Variants in MYO10 observed in about 807,000 individuals in gnomAD.
MYO10 encodes unconventional myosin-X.
MYO10 carries 133 observed loss-of-function variants against 257.3 expected under a neutral mutation model. The ratio of observed to expected loss-of-function variants is 0.52; its 90% CI spans 0.45 to 0.60. MYO10 has a LOEUF of 0.60. MYO10 is among the 20% of genes least tolerant of loss of function. The pLI is 0.00. For synonymous variants in MYO10, 1,104 were observed against 1,028.6 expected (o/e 1.07, Z -1.40); for missense variants, 2,399 against 2,635.7 (o/e 0.91, Z 1.97).
At chr5:16,717,989 C>A (rs1296236394) in intron 19 of MYO10, among the ~76,000 whole-genome samples, 1 of 152,360 alleles carries the variant, frequency 6.6e-6, no homozygotes, top group East Asian at 1.9e-4. Context: ...GCGTGCAGCG[C>A]TTGCGGGCCA....
At chr5:16,695,823 A>ACTTGCTT in intron 26 of MYO10, among the ~76,000 whole-genome samples, 1 of 152,356 alleles carries the variant, frequency 6.6e-6, no homozygotes, top group East Asian at 1.9e-4. Flanking sequence ...TGAAAACCAG[A>ACTTGCTT]CAGTGCACTT....
chr5:16,725,078 C>CTTTTTTTTTTTTTTTTTTTTTTTT (rs34100971), intron 19 of MYO10, among the ~76,000 whole-genome samples: 1 of 74,890 alleles, frequency 1.3e-5, no homozygotes, highest in Non-Finnish European at 2.4e-5. Flanking sequence ...CCTTCTTCTT[C>CTTTTTTTTTTTTTTTTTTTTTTTT]TTTTTTTTTT....
intron 2 of MYO10, among the ~76,000 whole-genome samples, chr5:16,832,506 T>G (rs1743190111): frequency 6.6e-6 from 1 of 152,200 alleles, no homozygotes; most frequent in Admixed American, 6.6e-5. Flanking sequence ...CCTCTGGTTT[T>G]AAACATAGTA....
chr5:16,740,990 C>A (rs10051930), intron 19 of MYO10, among the ~76,000 whole-genome samples: 36,994 of 152,010 alleles, frequency 0.24, 6,876 homozygotes, highest in African/African-American at 0.51. Flanking sequence ...CAGCCAAGTG[C>A]TTATTCATTT....
Position 16,818,042 on chromosome 5 carries a change from G to C in MYO10, c.246C>G (p.Asn82Lys). 6.2e-7 allele frequency: 1 copy of C among 1,602,664 alleles called. No homozygotes were observed. Among genetic ancestry groups the C allele is most frequent in the Non-Finnish European group, 8.5e-7 (1 of 1,173,428 alleles). The change falls in exon 3 of 41, where the codon AAC becomes AAG. Residue 82 changes from asparagine to lysine, a missense_variant. Coordinates refer to ENST00000513610, the MANE Select transcript of MYO10 (RefSeq NM_012334.3). The stretch of plus-strand genomic sequence containing the variant: ...GATTTCTCTTATACCGCTGGAATAA[G>C]TTATACATGATGGAGCCGCCATGGA... The part of the protein sequence containing the change: ...TELHGGSIMY[N>K]LFQRYKRNQI...
At chr5:16,739,625 T>G (rs1739941044) in intron 19 of MYO10, among the ~76,000 whole-genome samples, 1 of 151,964 alleles carries the variant, frequency 6.6e-6, no homozygotes, top group Non-Finnish European at 1.5e-5. Context: ...GTAATAGAAA[T>G]CTGACTTGAA....
chr5:16,830,689 A>ACACACACT (rs1561007676), intron 2 of MYO10, among the ~76,000 whole-genome samples: 3 of 152,070 alleles, frequency 2.0e-5, no homozygotes, highest in African/African-American at 2.4e-5. Context: ...GCACACACAC[A>ACACACACT]CACACACACA....
intron 2 of MYO10, among the ~76,000 whole-genome samples, chr5:16,829,914 C>G (rs548475218): frequency 6.6e-6 from 1 of 151,938 alleles, no homozygotes; most frequent in Non-Finnish European, 1.5e-5. Flanking sequence ...CACACGCACA[C>G]GCACACAAGA....
At chr5:16,785,963 G>A (rs1741567424) in intron 4 of MYO10, among the ~76,000 whole-genome samples, 1 of 152,068 alleles carries the variant, frequency 6.6e-6, no homozygotes, top group South Asian at 2.1e-4. Context: ...ACTGAGCCAT[G>A]GGGCTATCAG....
chr5:16,792,736 AT>A (rs1383122801), intron 4 of MYO10, among the ~76,000 whole-genome samples: 2 of 152,128 alleles, frequency 1.3e-5, no homozygotes, highest in Non-Finnish European at 2.9e-5. Flanking sequence ...TGTCTGTGTG[AT>A]TCGGGGCTGC....
intron 2 of MYO10, among the ~76,000 whole-genome samples, chr5:16,865,638 C>G (rs955417791): frequency 6.6e-6 from 1 of 151,890 alleles, no homozygotes; most frequent in African/African-American, 2.4e-5. Context: ...TGGTGAAACC[C>G]CGTCTCTCCT....
chr5:16,743,538 G>A (rs1396240882), intron 19 of MYO10, among the ~76,000 whole-genome samples: 1 of 152,032 alleles, frequency 6.6e-6, no homozygotes, highest in African/African-American at 2.4e-5. Flanking sequence ...AGCTACTCGG[G>A]AGGCTGAGGC....
chr5:16,918,872 G>C (rs1238909083), intron 1 of MYO10, among the ~76,000 whole-genome samples: 1 of 152,156 alleles, frequency 6.6e-6, no homozygotes, highest in African/African-American at 2.4e-5. Flanking sequence ...CGGGATGAGT[G>C]TGCAGTTGCT....
At chr5:16,757,958 C>CT in intron 18 of MYO10, among the ~76,000 whole-genome samples, 160 bp downstream of exon 18, 1 of 152,364 alleles carries the variant, frequency 6.6e-6, no homozygotes, top group South Asian at 2.1e-4. Context: ...AGCCAAAACT[C>CT]TATTTTATTT....
intron 3 of MYO10, among the ~76,000 whole-genome samples, chr5:16,799,233 G>A (rs1742051164): frequency 6.6e-6 from 1 of 152,204 alleles, no homozygotes; most frequent in Non-Finnish European, 1.5e-5. Context: ...TTCTGACAGT[G>A]TGGATGACAT....
chr5:16,832,359 G>A (rs1205245013), intron 2 of MYO10, among the ~76,000 whole-genome samples: 3 of 152,124 alleles, frequency 2.0e-5, no homozygotes, highest in Non-Finnish European at 4.4e-5. Flanking sequence ...AATGTATCTG[G>A]ATAAATATAA....
intron 26 of MYO10, 124 bp from the exon 27 acceptor site, chr5:16,694,738 C>G (rs531316783): frequency 7.9e-7 from 1 of 1,271,246 alleles, no homozygotes; most frequent in South Asian, 1.3e-5. Flanking sequence ...CGCAGCACCG[C>G]AGAGACCCCT....
intron 2 of MYO10, among the ~76,000 whole-genome samples, chr5:16,840,265 A>T (rs918583109): frequency 3.3e-5 from 5 of 152,138 alleles, no homozygotes; most frequent in African/African-American, 1.2e-4. Flanking sequence ...ATACAAAATT[A>T]GCCAGGCATG....
chr5:16,676,258 G>T, intron 33 of MYO10, 104 bp from the exon 34 acceptor site: 1 of 1,379,288 alleles, frequency 7.3e-7, no homozygotes, highest in Non-Finnish European at 9.8e-7. Flanking sequence ...GGGCAAAGAT[G>T]GTGGAAATCC....
Sources: gnomAD v4.1 joint callset for allele counts (sites outside exome capture counted in the v4.1 genomes callset) on GRCh38, gnomAD v4.1.1 for gene constraint, MANE v1.5 for transcripts, NCBI Gene and HGNC (gene_info 2026-07-23, HGNC 2026-07-21) for gene names.